The following TMEFF2 variants were observed in gnomAD, a reference collection of about 807,000 sequenced individuals.
TMEFF2 encodes the protein tomoregulin-2.
In TMEFF2, 28 loss-of-function variants were observed where a neutral mutation model predicts 53.8. The ratio of observed to expected loss-of-function variants is 0.52; its 90% CI spans 0.39 to 0.71. The LOEUF is 0.71. TMEFF2 is among the 30% of genes least tolerant of loss of function. The probability of loss-of-function intolerance (pLI) is 0.00; values close to 1 mark genes in which losing one functional copy is unlikely to be tolerated. For missense variants in TMEFF2, 353 were observed against 455.2 expected (o/e 0.78, Z 2.04); for synonymous variants, 162 against 166.3 (o/e 0.97, Z 0.20).
chr2:192,057,627 G>T, intron 5 of TMEFF2, 52 bp downstream of exon 5: 1 of 1,463,032 alleles, frequency 6.8e-7, no homozygotes, highest in South Asian at 1.1e-5. Flanking sequence ...GTGTTAAAAA[G>T]AAATTAATCA....
intron 2 of TMEFF2, among the ~76,000 whole-genome samples, chr2:192,186,106 C>T (rs1691305117): frequency 6.6e-6 from 1 of 152,126 alleles, no homozygotes; most frequent in Non-Finnish European, 1.5e-5. Context: ...GTCTCCCAGA[C>T]TCAGTCTATG....
intron 7 of TMEFF2, among the ~76,000 whole-genome samples, chr2:191,990,020 C>T (rs1224482676): frequency 6.6e-6 from 1 of 152,102 alleles, no homozygotes; most frequent in East Asian, 1.9e-4. Flanking sequence ...GAGTACTGTC[C>T]TCCTTAATCC....
At chr2:192,050,733 T>C (rs1484818096) in intron 5 of TMEFF2, among the ~76,000 whole-genome samples, 2 of 152,192 alleles carry the variant, frequency 1.3e-5, no homozygotes, top group African/African-American at 4.8e-5. Flanking sequence ...ATTCCTAGTC[T>C]TTTACTTCTA....
intron 4 of TMEFF2, among the ~76,000 whole-genome samples, chr2:192,090,650 TATATA>T (rs1175916526): frequency 9.9e-5 from 15 of 152,124 alleles, no homozygotes; most frequent in Admixed American, 2.0e-4. Context: ...AGGAATAGCT[TATATA>T]ATATGTCAAA....
At chr2:192,188,179 C>A (rs147615852) in intron 2 of TMEFF2, among the ~76,000 whole-genome samples, 43 of 152,186 alleles carry the variant, frequency 2.8e-4, no homozygotes, top group African/African-American at 9.6e-4. Flanking sequence ...TTTATATTTC[C>A]TTAAATGTAA....
intron 2 of TMEFF2, among the ~76,000 whole-genome samples, chr2:192,185,492 T>C (rs7574018): frequency 2.0e-5 from 3 of 152,090 alleles, no homozygotes; most frequent in African/African-American, 7.2e-5. Context: ...AAACTCTATG[T>C]TTTACTTTTG....
At chr2:192,040,007 TTATA>T (rs1687433562) in intron 5 of TMEFF2, among the ~76,000 whole-genome samples, 1 of 152,100 alleles carries the variant, frequency 6.6e-6, no homozygotes, top group Admixed American at 6.5e-5. Flanking sequence ...CAGTAATAAA[TTATA>T]TTAAGTTCCA....
intron 4 of TMEFF2, among the ~76,000 whole-genome samples, chr2:192,145,188 G>T (rs1191125933): frequency 1.3e-5 from 2 of 151,826 alleles, no homozygotes; most frequent in Non-Finnish European, 2.9e-5. Context: ...TTAAGTACAA[G>T]AAATTTGATC....
intron 5 of TMEFF2, among the ~76,000 whole-genome samples, chr2:192,056,406 GGAA>G (rs1247249181): frequency 6.6e-6 from 1 of 151,878 alleles, no homozygotes; most frequent in Non-Finnish European, 1.5e-5. Flanking sequence ...AGGAAGAAGA[GGAA>G]GAGGAGGAGG....
At chr2:192,103,405 T>A (rs1689078215) in intron 4 of TMEFF2, among the ~76,000 whole-genome samples, 1 of 152,072 alleles carries the variant, frequency 6.6e-6, no homozygotes, top group South Asian at 2.1e-4. Context: ...GACCTTTTAG[T>A]TTTGGATTCA....
chr2:192,133,733 CCTG>C (rs1311726431), intron 4 of TMEFF2, among the ~76,000 whole-genome samples: 3 of 152,152 alleles, frequency 2.0e-5, no homozygotes, highest in African/African-American at 7.2e-5. Flanking sequence ...TTGGACTGAC[CCTG>C]ACACCCATCA....
In TMEFF2 at chr2:191,961,487, C is replaced by A. The variant is rs558038956; in HGVS notation, c.746-5109G>T. 1.3e-4 allele frequency among the ~76,000 whole-genome samples: 17 copies of A among 130,736 alleles called. No individual in the cohort carries two copies. The East Asian group carries it at 1.5e-3, about 11-fold the overall frequency. 85.8% of individuals were successfully genotyped at this position (130,736 alleles called of 152,430 possible). A position where few individuals can be genotyped will look rare whatever the true frequency, so the allele number is the denominator to read the frequency against. ...ATTGAAATATTCATATTCTTACACA[C>A]CTTTTGTAATTACTTAATTTTACCC... On this transcript the variant is annotated intron_variant, in intron 7 of 9. Coordinates refer to ENST00000272771, the MANE Select transcript of TMEFF2 (RefSeq NM_016192.4).
chr2:192,075,288 T>TATATATATATATATAA (rs1574349780), intron 4 of TMEFF2, among the ~76,000 whole-genome samples: 109 of 5,632 alleles, frequency 0.019, 5 homozygotes, highest in Non-Finnish European at 0.044. Flanking sequence ...AGTACTATTA[T>TATATATATATATATAA]ATATATATAT....
chr2:192,000,103 A>G (rs926776036), intron 5 of TMEFF2, among the ~76,000 whole-genome samples: 1 of 152,030 alleles, frequency 6.6e-6, no homozygotes, highest in South Asian at 2.1e-4. Flanking sequence ...ACACTTCTCT[A>G]TTTTATTATT....
At chr2:192,182,547 T>A (rs1691212344) in intron 3 of TMEFF2, among the ~76,000 whole-genome samples, 1 of 151,954 alleles carries the variant, frequency 6.6e-6, no homozygotes, top group South Asian at 2.1e-4. Flanking sequence ...GGGACTAGAA[T>A]GGAAAGACTT....
chr2:191,987,508 G>A (rs1416554923), intron 7 of TMEFF2, among the ~76,000 whole-genome samples: 1 of 151,978 alleles, frequency 6.6e-6, no homozygotes, highest in Non-Finnish European at 1.5e-5. Context: ...TGGGGCTCAA[G>A]CTATCCTATC....
chr2:192,076,518 G>A (rs574612370), intron 4 of TMEFF2, among the ~76,000 whole-genome samples: 76 of 152,214 alleles, frequency 5.0e-4, no homozygotes, highest in South Asian at 1.2e-3. Flanking sequence ...TACTAAACAC[G>A]TAAGTGGCAG....
At chr2:192,181,562 G>C (rs956439178) in intron 3 of TMEFF2, among the ~76,000 whole-genome samples, 1 of 151,760 alleles carries the variant, frequency 6.6e-6, no homozygotes, top group Non-Finnish European at 1.5e-5. Flanking sequence ...AATGGGTACA[G>C]TAATATCTAA....
intron 5 of TMEFF2, among the ~76,000 whole-genome samples, chr2:192,003,801 T>C (rs1686425939): frequency 6.6e-6 from 1 of 151,530 alleles, no homozygotes; most frequent in African/African-American, 2.4e-5. Context: ...AATTAGAGAG[T>C]TTTAGCATTA....
Sources: allele counts gnomAD v4.1 joint callset (sites outside exome capture counted in the v4.1 genomes callset), GRCh38; gene constraint gnomAD v4.1.1; transcripts MANE v1.5; gene names NCBI Gene and HGNC (gene_info 2026-07-23, HGNC 2026-07-21).